Variants in ZNF57 observed in about 807,000 individuals in gnomAD.
ZNF57 encodes zinc finger protein 57.
Under a neutral mutation model 13.4 loss-of-function variants are expected in ZNF57, and 11 were observed. That is an observed-to-expected ratio of 0.82 (90% CI 0.52 to 1.36). ZNF57 has a LOEUF of 1.36. Among genes scored for constraint, ZNF57 ranks in the 40% most tolerant of loss-of-function variants. The probability of loss-of-function intolerance (pLI) is 0.00; values close to 1 mark genes in which losing one functional copy is unlikely to be tolerated. For missense variants in ZNF57, 696 were observed against 667.5 expected (o/e 1.04, Z -0.47); for synonymous variants, 224 against 238.5 (o/e 0.94, Z 0.56).
chr19:2,915,267 T>C (rs2088179932), intron 1 of ZNF57: 1 of 355,296 alleles, frequency 2.8e-6, no homozygotes, highest in Admixed American at 4.2e-5. Context: ...TTCATTTGCA[T>C]AGCATTTCTC....
intron 1 of ZNF57, among the ~76,000 whole-genome samples, chr19:2,910,935 CTTATT>C (rs2086472141): frequency 6.6e-6 from 1 of 151,516 alleles, no homozygotes; most frequent in Non-Finnish European, 1.5e-5. Flanking sequence ...TTCGTTGTTC[CTTATT>C]TTGTCTTCCA....
intron 1 of ZNF57, among the ~76,000 whole-genome samples, chr19:2,914,492 T>A (rs1208094953): frequency 6.6e-6 from 1 of 152,010 alleles, no homozygotes; most frequent in African/African-American, 2.4e-5. Context: ...CGACCTCAGG[T>A]GATCTGCCTG....
chr19:2,917,327 T>C lies in ZNF57; in HGVS notation c.706T>C (p.Phe236Leu). The change falls in exon 4 of 4, where the codon TTC (phenylalanine) becomes CTC (leucine). Residue 236 changes from phenylalanine to leucine, a missense_variant. Physicochemically the swap from Phe to Leu is conservative, Grantham distance 22. This residue lies in a region of ZNF57 where 645 missense variants were observed against 591.5 expected (regional missense o/e 1.09). Transcript: ENST00000306908. ...CEQCRMAFNG[F>L]ASFTRHVRTH... The stretch of plus-strand genomic sequence containing the variant: ...GCAGTGTCGGATGGCGTTTAATGGG[T>C]TCGCAAGCTTCACTAGACATGTGAG... 1.2e-6 allele frequency: 2 copies of C among 1,613,964 alleles called. No individual in the cohort carries two copies. Among genetic ancestry groups the C allele is most frequent in the Non-Finnish European group, 1.7e-6 (2 of 1,179,992 alleles).
At chr19:2,908,709 T>A (rs2088100043) in intron 1 of ZNF57, among the ~76,000 whole-genome samples, 1 of 151,866 alleles carries the variant, frequency 6.6e-6, no homozygotes, top group African/African-American at 2.4e-5. Context: ...GGCCATTGGT[T>A]TTTACAGTCA....
Position 2,903,067 on chromosome 19 carries a change from C to T in ZNF57, c.3+2019C>T, listed in dbSNP as rs7252724. 5.3e-3 allele frequency among the ~76,000 whole-genome samples: 800 copies of T among 152,208 alleles called. 6 individuals carry two copies. Among genetic ancestry groups the T allele is most frequent in the African/African-American group, 0.018 (753 of 41,548 alleles). ...CAGTCCTCCTGCCTCGTAGAACAGC[C>T]GCAGCGGGAACTGTTCATGCTGATT... On this transcript the variant is annotated intron_variant, in intron 1 of 3. Coordinates refer to ENST00000306908, the MANE Select transcript of ZNF57 (RefSeq NM_173480.3).
At position 2,918,139 on chromosome 19, in the gene ZNF57, TA is replaced by T. The variant is rs774701763; in HGVS notation, c.1521del (p.Lys507AsnfsTer17). 10 of 1,614,146 alleles carry T rather than the reference TA, an allele frequency of 6.2e-6. No homozygotes were observed. The African/African-American group carries it at 1.3e-4, about 22-fold the overall frequency. On this transcript the variant is annotated frameshift_variant, in exon 4 of 4. Transcript: ENST00000306908. LOFTEE classifies it low-confidence loss of function (END_TRUNC). ...MHTGEKPHKC[K>X]QCGMSFKWHS... ...ACACTGGAGAGAAACCTCACAAATGTAAACAATGTGGGATGTCCTTCAAGTG... is the reference window on the plus strand; with the variant it reads ...ACACTGGAGAGAAACCTCACAAATGTAACAATGTGGGATGTCCTTCAAGTG...
At chr19:2,913,762 T>G (rs2088162279) in intron 1 of ZNF57, among the ~76,000 whole-genome samples, 1 of 152,056 alleles carries the variant, frequency 6.6e-6, no homozygotes, top group Non-Finnish European at 1.5e-5. Flanking sequence ...TGCCTCACCC[T>G]CCCAAGTAGC....
intron 1 of ZNF57, among the ~76,000 whole-genome samples, chr19:2,904,574 C>T (rs923748945): frequency 6.6e-6 from 1 of 151,936 alleles, no homozygotes; most frequent in African/African-American, 2.4e-5. Context: ...CAGAGTTTCG[C>T]TCTGTGGCCC....
chr19:2,904,007 G>A (rs2088052151), intron 1 of ZNF57, among the ~76,000 whole-genome samples: 1 of 152,160 alleles, frequency 6.6e-6, no homozygotes, highest in African/African-American at 2.4e-5. Context: ...GAGCCACCGC[G>A]CCCGGCCCAT....
At chr19:2,911,394 A>C (rs10412217) in intron 1 of ZNF57, among the ~76,000 whole-genome samples, 65,721 of 151,854 alleles carry the variant, frequency 0.43, 14,685 homozygotes, top group African/African-American at 0.5. Flanking sequence ...TTAGCTGGGC[A>C]TGATGGCGGG....
At position 2,901,018 on chromosome 19, in the gene ZNF57, C is replaced by T. The variant is rs369301021; in HGVS notation, c.-28C>T. 1.6e-5 allele frequency: 25 copies of T among 1,557,356 alleles called. No homozygotes were observed. The African/African-American group carries it at 1.9e-4, about 12-fold the overall frequency. On this transcript the variant is annotated 5_prime_UTR_variant, in exon 1 of 4. Coordinates refer to ENST00000306908, the MANE Select transcript of ZNF57 (RefSeq NM_173480.3). Reference sequence around the variant, plus strand: ...CGGCCGCGAGGCCACGGAGAGCTCGCCTTGGAGAGCCCAGGAGCAGGGGAG... The same window carrying T: ...CGGCCGCGAGGCCACGGAGAGCTCGTCTTGGAGAGCCCAGGAGCAGGGGAG...
rs2088237419 is a variant in ZNF57, at chr19:2,918,416, C to T, written c.*127C>T. ...CTTTGTCAATACCTCATTTGTAAAA[C>T]AGACCCATTAGTCGTGAATTTCCAG... On this transcript the variant is annotated 3_prime_UTR_variant, in exon 4 of 4. Transcript: ENST00000306908. 9.8e-7 allele frequency: 1 copy of T among 1,021,322 alleles called. No individual in the cohort carries two copies. Among genetic ancestry groups the T allele is most frequent in the South Asian group, 1.8e-5 (1 of 56,374 alleles). The allele number at this position is 1,021,322 out of a possible 1,614,324, so 63.3% of individuals were successfully genotyped here. A position where few individuals can be genotyped will look rare whatever the true frequency, so the allele number is the denominator to read the frequency against.
intron 1 of ZNF57, 90 bp from the exon 2 acceptor site, chr19:2,915,432 A>G (rs2088181991): frequency 6.5e-7 from 1 of 1,538,364 alleles, no homozygotes; most frequent in South Asian, 1.2e-5. Context: ...GGGACACCAC[A>G]GAATCTTGTT....
rs1452199640 is a variant in ZNF57 at position 2,917,741 on chromosome 19, A to C, written c.1120A>C (p.Thr374Pro). Reference sequence around the variant, plus strand: ...GTGTAAACAATGTGGGAAAGCCTTCACTTGGTCCTCAACGTTTAGAGAACA... The same window carrying C: ...GTGTAAACAATGTGGGAAAGCCTTCCCTTGGTCCTCAACGTTTAGAGAACA... ...YECKQCGKAF[T>P]WSSTFREHVR... is the part of the protein sequence containing the mutation. The change falls in exon 4 of 4, where the codon ACT becomes CCT. Residue 374 changes from threonine to proline, a missense_variant. This residue lies in a region of ZNF57 where 645 missense variants were observed against 591.5 expected (regional missense o/e 1.09). Transcript: ENST00000306908. 1.2e-6 allele frequency: 2 copies of C among 1,613,838 alleles called. No homozygotes were observed. The highest frequency in any genetic ancestry group is 3.3e-4 in the Middle Eastern group (2 of 6,054).
chr19:2,901,086 G>C, intron 1 of ZNF57, 38 bp downstream of exon 1: 1 of 1,526,568 alleles, frequency 6.6e-7, no homozygotes, highest in Non-Finnish European at 8.8e-7. Context: ...GGGACGGTCG[G>C]AGCGACGGGA....
At chr19:2,907,560 C>T (rs1368518681) in intron 1 of ZNF57, among the ~76,000 whole-genome samples, 2 of 152,166 alleles carry the variant, frequency 1.3e-5, no homozygotes, top group African/African-American at 2.4e-5. Context: ...TCCATTGGTT[C>T]GTTTGTCCAT....
Position 2,917,592 on chromosome 19 carries a change from G to A in ZNF57, c.971G>A (p.Arg324Gln), listed in dbSNP as rs141285162. The A allele has an allele frequency of 8.0e-4, 1,291 of 1,613,314 alleles. 2 individuals are homozygous for A. Among genetic ancestry groups the A allele is most frequent in the South Asian group, 2.6e-3 (233 of 91,008 alleles). ...GKTFSWSETL[R>Q]VHMRIHTGDK... is the part of the protein sequence containing the mutation. ...ACATTCAGTTGGTCTGAAACCTTGC[G>A]AGTCCACATGAGGATCCACACTGGG... Residue 324 changes from arginine (R) to glutamine (Q), a missense_variant, in exon 4 of 4, where the codon CGA becomes CAA. Around this residue, in one of 3 missense-constraint regions of ZNF57, gnomAD observed 645 missense variants for 591.5 expected, o/e 1.09. Transcript: ENST00000306908.
rs368452918 is a variant in ZNF57, at chr19:2,905,764, C to CAG, written c.3+4717_3+4718insGA. Among the ~76,000 whole-genome samples, 39 of 120,686 alleles carry CAG rather than the reference C, an allele frequency of 3.2e-4. No individual in the cohort carries two copies. The South Asian group carries it at 9.5e-3, about 30-fold the overall frequency. The allele number at this position is 120,686 out of a possible 152,430, so 79.2% of individuals were successfully genotyped here. On this transcript the variant is annotated intron_variant, in intron 1 of 3. Coordinates refer to ENST00000306908, the MANE Select transcript of ZNF57 (RefSeq NM_173480.3). ...TGGGTGACAGAGCAAGACTCTGTCT[C>CAG]AAAAAAAAAAAAAAAAGAATTGTCC...
In ZNF57 at chr19:2,903,876, C is replaced by T. The variant is rs563112395; in HGVS notation, c.3+2828C>T. 3.8e-3 allele frequency among the ~76,000 whole-genome samples: 573 copies of T among 152,182 alleles called. 7 individuals are homozygous for T. Among genetic ancestry groups the T allele is most frequent in the African/African-American group, 0.013 (531 of 41,544 alleles). ...GACTACAGGCGACCGCCACCTCGCC[C>T]GGCTAATTTTTTGTATTTTTAGTAG... On this transcript the variant is annotated intron_variant, in intron 1 of 3. Coordinates refer to ENST00000306908, the MANE Select transcript of ZNF57 (RefSeq NM_173480.3).
Sources: gnomAD v4.1 joint callset for allele counts (sites outside exome capture counted in the v4.1 genomes callset) on GRCh38, gnomAD v4.1.1 for gene constraint, gnomAD v4.1.1 regional missense constraint, MANE v1.5 for transcripts, NCBI Gene and HGNC (gene_info 2026-07-23, HGNC 2026-07-21) for gene names.